The following CBFA2T3 variants were observed in gnomAD, a reference collection of about 807,000 sequenced individuals.
The protein encoded by CBFA2T3 is CBFA2/RUNX1 partner transcriptional co-repressor 3.
A neutral mutation model predicts 58.6 loss-of-function variants in CBFA2T3; 31 were observed. The observed-to-expected ratio is 0.53, with a 90% CI of 0.40 to 0.71. The LOEUF is 0.71. Among genes scored for constraint, CBFA2T3 ranks in the 30% least tolerant of loss-of-function variants. The probability of loss-of-function intolerance (pLI) is 0.00; values close to 1 mark genes in which losing one functional copy is unlikely to be tolerated. For missense variants in CBFA2T3, 1,076 were observed against 963.1 expected (o/e 1.12, Z -1.55); for synonymous variants, 531 against 421.9 (o/e 1.26, Z -3.17).
At chr16:88,937,913 T>G (rs1488248965) in intron 1 of CBFA2T3, 1 of 152,198 alleles carries the variant, frequency 6.6e-6, no homozygotes, top group Admixed American at 6.5e-5. Context: ...GGAGGTGACA[T>G]CGGTTGCCTG....
intron 1 of CBFA2T3, 51 bp downstream of exon 1, chr16:88,976,606 C>T (rs773382046): frequency 5.7e-6 from 8 of 1,401,134 alleles, no homozygotes; most frequent in African/African-American, 4.3e-5. Flanking sequence ...GCCCCGGCAC[C>T]GGCTGCCGCT....
intron 1 of CBFA2T3, among the ~76,000 whole-genome samples, chr16:88,902,131 C>G (rs1970122332): frequency 6.6e-6 from 1 of 152,242 alleles, no homozygotes; most frequent in African/African-American, 2.4e-5. Context: ...TGCTGCTGGT[C>G]TGGCCCTGGA....
At chr16:88,893,663 C>G (rs982678104) in intron 3 of CBFA2T3, among the ~76,000 whole-genome samples, 1 of 152,212 alleles carries the variant, frequency 6.6e-6, no homozygotes, top group African/African-American at 2.4e-5. Flanking sequence ...GCTGCAGGGC[C>G]GCCTGTTGGC....
At chr16:88,948,161 G>T (rs771452568) in intron 1 of CBFA2T3, among the ~76,000 whole-genome samples, 36 of 152,202 alleles carry the variant, frequency 2.4e-4, no homozygotes, top group Non-Finnish European at 4.4e-4. Flanking sequence ...ACCTCCTTCT[G>T]AGAGTCAGAT....
At chr16:88,890,802 G>T (rs145362396) in intron 5 of CBFA2T3, among the ~76,000 whole-genome samples, 2 of 152,098 alleles carry the variant, frequency 1.3e-5, no homozygotes, top group Non-Finnish European at 2.9e-5. Flanking sequence ...CTGCAGTCTC[G>T]ACCTCCTGGA....
Position 88,881,390 on chromosome 16 carries a change from C to T in CBFA2T3, c.1303G>A (p.Ala435Thr). Residue 435 changes from alanine (A) to threonine (T), a missense_variant, in exon 9 of 12, where the codon GCG (alanine) becomes ACG (threonine). Ala to Thr is a moderately conservative substitution (Grantham distance 58). Transcript: ENST00000268679. The stretch of plus-strand genomic sequence containing the variant: ...TCCTCGGCGTCGCTGTAGCGCCGCG[C>T]CCAGTGGTTGAGCTCCTCGCGGTCG... ...EADREELNHWARRYSDAEDTK... is the reference protein window; with the variant it reads ...EADREELNHWTRRYSDAEDTK... 1.2e-6 allele frequency: 2 copies of T among 1,601,956 alleles called. No individual in the cohort carries two copies. The highest frequency in any genetic ancestry group is 1.7e-6 in the Non-Finnish European group (2 of 1,175,750).
rs1031355504 is a variant in CBFA2T3, at chr16:88,941,023, CG to C, written c.151+35633del. The C allele has an allele frequency of 7.0e-5, 69 of 982,440 alleles. No homozygotes were observed. The South Asian group carries it at 2.7e-3, about 39-fold the overall frequency. The allele number at this position is 982,440 out of a possible 1,614,324, so 60.9% of individuals were successfully genotyped here. Reference sequence around the variant, plus strand: ...GCGGGGCGGACACGGCACTTACGGTCGGGGGGTCCGGGGGATCCGGCGGGCG... The same window carrying C: ...GCGGGGCGGACACGGCACTTACGGTCGGGGGTCCGGGGGATCCGGCGGGCG... On this transcript the variant is annotated intron_variant, in intron 1 of 11. Transcript: ENST00000268679.
chr16:88,899,715 G>A (rs1034042037), intron 2 of CBFA2T3, among the ~76,000 whole-genome samples: 1 of 152,234 alleles, frequency 6.6e-6, no homozygotes, highest in African/African-American at 2.4e-5. Flanking sequence ...TGAGGGTCTG[G>A]GGAACCAGGC....
intron 1 of CBFA2T3, among the ~76,000 whole-genome samples, chr16:88,930,539 A>G (rs867358210): frequency 1.3e-4 from 20 of 151,920 alleles, no homozygotes; most frequent in African/African-American, 3.9e-4. Context: ...ACTAGGCTCC[A>G]GTGCGGGGAG....
rs1597703675 is a variant in CBFA2T3 at position 88,904,757 on chromosome 16, A to G, written c.152-3101T>C. 2.6e-5 allele frequency among the ~76,000 whole-genome samples: 4 copies of G among 152,118 alleles called. No individual in the cohort carries two copies. The East Asian group carries it at 7.7e-4, about 29-fold the overall frequency. ...CGGGGGCAGCTGTGCAGGTGATGGGACCTCACGGGTGTCTGTTGAATCCTG... is the reference window on the plus strand; with the variant it reads ...CGGGGGCAGCTGTGCAGGTGATGGGGCCTCACGGGTGTCTGTTGAATCCTG... On this transcript the variant is annotated intron_variant, in intron 1 of 11. Coordinates refer to ENST00000268679, the MANE Select transcript of CBFA2T3 (RefSeq NM_005187.6).
intron 1 of CBFA2T3, among the ~76,000 whole-genome samples, chr16:88,925,365 C>T: frequency 6.6e-6 from 1 of 152,212 alleles, no homozygotes. Flanking sequence ...ACTCATCCAC[C>T]AGGCGCTCTC....
intron 1 of CBFA2T3, chr16:88,939,349 C>T (rs1971624737): frequency 6.6e-6 from 1 of 152,328 alleles, no homozygotes; most frequent in Non-Finnish European, 1.5e-5. Flanking sequence ...TCCCTTCTCC[C>T]CTGTCACTAG....
intron 1 of CBFA2T3, among the ~76,000 whole-genome samples, chr16:88,974,924 G>T (rs1026701954): frequency 5.9e-5 from 9 of 152,188 alleles, no homozygotes; most frequent in African/African-American, 1.7e-4. Context: ...TAACTCTGCT[G>T]CCTGATGTGG....
Position 88,932,325 on chromosome 16 carries a change from G to A in CBFA2T3, c.152-30669C>T, listed in dbSNP as rs373202170. ...CAGGAAAGAGGCCGCCCTGGCGCTG[G>A]ACTCAATGACCATAAAACAGCCTCT... On this transcript the variant is annotated intron_variant, in intron 1 of 11. Transcript: ENST00000268679. 1.5e-4 allele frequency among the ~76,000 whole-genome samples: 23 copies of A among 151,908 alleles called. No homozygotes were observed. The East Asian group carries it at 3.3e-3, about 22-fold the overall frequency.
chr16:88,907,825 C>T (rs1438206301), intron 1 of CBFA2T3, among the ~76,000 whole-genome samples: 1 of 152,258 alleles, frequency 6.6e-6, no homozygotes, highest in East Asian at 1.9e-4. Context: ...TCCTTCCCAC[C>T]CTCGATGGCT....
intron 3 of CBFA2T3, among the ~76,000 whole-genome samples, chr16:88,895,960 G>A (rs1432456165): frequency 6.6e-6 from 1 of 152,190 alleles, no homozygotes; most frequent in Admixed American, 6.5e-5. Flanking sequence ...GGGACCAGAG[G>A]ACAGCATGGC....
chr16:88,966,823 C>G (rs1972516172), intron 1 of CBFA2T3, among the ~76,000 whole-genome samples: 1 of 152,198 alleles, frequency 6.6e-6, no homozygotes, highest in Admixed American at 6.5e-5. Context: ...AAGTCGGATG[C>G]AGCACGCCCA....
intron 10 of CBFA2T3, among the ~76,000 whole-genome samples, chr16:88,880,225 C>CAACCCT (rs967946298): frequency 1.5e-4 from 22 of 146,382 alleles, no homozygotes; most frequent in South Asian, 4.2e-4. Flanking sequence ...TACCGCTGCC[C>CAACCCT]AACCCTAACC....
chr16:88,879,339 C>T lies in CBFA2T3; in HGVS notation c.1593G>A (p.Leu531=). ...TTERAKMERA[L]AEAKRQASED... ...CGGAGGCCTGCCGCTTCGCCTCGGC[C>T]AGGGCCCGCTCCATCTTGGCACGCT... The change falls in exon 11 of 12, where the codon CTG becomes CTA. Residue 531 remains leucine (L), a synonymous_variant. Transcript: ENST00000268679. 6.2e-7 allele frequency: 1 copy of T among 1,612,330 alleles called. No homozygotes were observed. The highest frequency in any genetic ancestry group is 8.5e-7 in the Non-Finnish European group (1 of 1,179,372).
Sources: gnomAD v4.1 joint callset for allele counts (sites outside exome capture counted in the v4.1 genomes callset) on GRCh38, gnomAD v4.1.1 for gene constraint, MANE v1.5 for transcripts, NCBI Gene and HGNC (gene_info 2026-07-23, HGNC 2026-07-21) for gene names.